LMF1: variants seen among roughly 807,000 people sequenced by gnomAD.
LMF1 encodes lipase maturation factor 1.
In LMF1, 68 loss-of-function variants were observed where a neutral mutation model predicts 60.6. The observed-to-expected ratio is 1.12, with a 90% CI of 0.92 to 1.37. The LOEUF (loss-of-function observed/expected upper bound fraction) is 1.37, where lower values mean the gene tolerates loss of function less well. Ranked by LOEUF, LMF1 falls within the 40% of genes most tolerant of loss-of-function variation. The pLI, the probability that LMF1 is intolerant of heterozygous loss-of-function variation, is 0.00. For synonymous variants in LMF1, 418 were observed against 324.7 expected, an observed-to-expected ratio of 1.29 and a Z score of -3.09; for missense variants, 948 against 767.2, an observed-to-expected ratio of 1.24 and a Z score of -2.78.
At chr16:917,842 C>A (rs576920083) in intron 3 of LMF1, among the ~76,000 whole-genome samples, 2 of 152,232 alleles carry the variant, frequency 1.3e-5, no homozygotes, top group Non-Finnish European at 2.9e-5. Context: ...CTGGAGTGGA[C>A]TGCAGCTCCC....
Position 862,772 on chromosome 16 carries a change from A to C in LMF1, c.1529+6172T>G, listed in dbSNP as rs866141219. 2.2e-4 allele frequency among the ~76,000 whole-genome samples: 33 copies of C among 152,058 alleles called. 1 individual carries two copies. Among genetic ancestry groups the C allele is most frequent in the African/African-American group, 7.7e-4 (32 of 41,422 alleles). ...ACCTGGGAGGCTGAGGCGGGAGGAT[A>C]ATTTGAGCTGAGGAGGTCGAGGCTA... On this transcript the variant is annotated intron_variant, in intron 10 of 10. Transcript: ENST00000262301.
chr16:877,932 C>T (rs2070040663), intron 6 of LMF1, among the ~76,000 whole-genome samples: 1 of 152,146 alleles, frequency 6.6e-6, no homozygotes, highest in African/African-American at 2.4e-5. Flanking sequence ...CCATTTACAA[C>T]ATCAACAAAA....
At chr16:923,657 T>G (rs1022791916) in intron 3 of LMF1, among the ~76,000 whole-genome samples, 6 of 152,100 alleles carry the variant, frequency 3.9e-5, no homozygotes, top group Admixed American at 3.9e-4. Context: ...AGCCTTACCC[T>G]CAATACAATG....
upstream of LMF1, among the ~76,000 whole-genome samples, chr16:973,565 G>A (rs2073085447): frequency 1.3e-5 from 2 of 152,268 alleles, no homozygotes; most frequent in South Asian, 2.1e-4. Context: ...AGTGGTCCGG[G>A]GGTAGGACGT....
At chr16:919,460 A>G (rs554606624) in intron 3 of LMF1, among the ~76,000 whole-genome samples, 3 of 100,194 alleles carry the variant, frequency 3.0e-5, no homozygotes, top group South Asian at 4.0e-4. Context: ...GAAAGCTCAT[A>G]TCTCCAGCGC....
chr16:910,938 A>G lies in LMF1; in HGVS notation c.656T>C (p.Leu219Pro). 1 of 1,612,912 alleles carries G rather than the reference A, an allele frequency of 6.2e-7. No individual in the cohort carries two copies. The highest frequency in any genetic ancestry group is 2.2e-5 in the East Asian group (1 of 44,880). Residue 219 changes from leucine (L) to proline (P), a missense_variant, in exon 4 of 11, where the codon CTT becomes CCT. Coordinates refer to ENST00000262301, the MANE Select transcript of LMF1 (RefSeq NM_022773.4). ...CAGAAGAGCTCCACTTACTGCTCCA[A>G]GCATGATCCTGAAGATCAGCCACCG... is the stretch of plus-strand genomic sequence containing the variant. ...GFRWLIFRIM[L>P]GAGLIKIRGD...
intron 5 of LMF1, chr16:887,107 T>C (rs957622213): frequency 6.6e-6 from 1 of 152,090 alleles, no homozygotes; most frequent in Non-Finnish European, 1.5e-5. Context: ...CGGGCCCCCA[T>C]ATCTGAGGGC....
intron 9 of LMF1, 82 bp downstream of exon 9, chr16:869,801 G>A: frequency 7.1e-7 from 1 of 1,409,346 alleles, no homozygotes; most frequent in Non-Finnish European, 9.7e-7. Context: ...CCTTCAGTGG[G>A]CGTTCTAGAA....
chr16:901,171 T>C (rs2070802259), intron 4 of LMF1: 1 of 152,248 alleles, frequency 6.6e-6, no homozygotes, highest in South Asian at 2.1e-4. Context: ...CCTCTACTGA[T>C]ATTGTCCAGG....
At chr16:890,953 C>A (rs2070468262) in intron 5 of LMF1, among the ~76,000 whole-genome samples, 1 of 152,242 alleles carries the variant, frequency 6.6e-6, no homozygotes, top group Non-Finnish European at 1.5e-5. Flanking sequence ...CCGGGCCCAC[C>A]CTGTCCACCG....
intron 3 of LMF1, among the ~76,000 whole-genome samples, chr16:912,503 G>A (rs1043586049): frequency 6.6e-6 from 1 of 152,264 alleles, no homozygotes; most frequent in African/African-American, 2.4e-5. Context: ...CCACACTGAT[G>A]TGCGCCAATT....
chr16:910,164 T>C (rs1179789002), intron 4 of LMF1, among the ~76,000 whole-genome samples: 1 of 152,248 alleles, frequency 6.6e-6, no homozygotes, highest in Non-Finnish European at 1.5e-5. Flanking sequence ...ACCACGTCGC[T>C]CCTGCTTTTA....
At chr16:950,932 G>A (rs1210051192) in intron 2 of LMF1, among the ~76,000 whole-genome samples, 2 of 150,974 alleles carry the variant, frequency 1.3e-5, no homozygotes, top group Non-Finnish European at 2.9e-5. Flanking sequence ...CAATGACAGA[G>A]TCAGCCAATG....
At chr16:859,074 C>G (rs375255171) in intron 10 of LMF1, among the ~76,000 whole-genome samples, 2 of 80,394 alleles carry the variant, frequency 2.5e-5, no homozygotes, top group Non-Finnish European at 2.4e-5. Flanking sequence ...TGTCACGGGA[C>G]GGGTGTGAGT....
chr16:913,204 C>A (rs1205615905), intron 3 of LMF1, among the ~76,000 whole-genome samples: 1 of 152,240 alleles, frequency 6.6e-6, no homozygotes, highest in African/African-American at 2.4e-5. Flanking sequence ...CTGCTCCACT[C>A]CACGGCTCCG....
intron 1 of LMF1, among the ~76,000 whole-genome samples, chr16:968,189 T>G (rs4410076): frequency 0.061 from 9,289 of 152,236 alleles, 355 homozygotes; most frequent in Non-Finnish European, 0.087. Flanking sequence ...CAAAGTCAGG[T>G]TGAATGCAGA....
chr16:968,793 C>T (rs928580639), intron 1 of LMF1: 10 of 152,186 alleles, frequency 6.6e-5, no homozygotes, highest in African/African-American at 1.2e-4. Flanking sequence ...AGAATCCCTG[C>T]GGAGATCAAA....
chr16:929,356 C>T (rs2071703362), intron 3 of LMF1, among the ~76,000 whole-genome samples: 1 of 152,202 alleles, frequency 6.6e-6, no homozygotes, highest in Non-Finnish European at 1.5e-5. Flanking sequence ...ACGGGGACCA[C>T]GCTGGAGGAC....
intron 2 of LMF1, chr16:947,630 C>A (rs2151458958): frequency 2.2e-6 from 1 of 455,864 alleles, no homozygotes; most frequent in East Asian, 6.9e-5. Flanking sequence ...GTCCAAGTTT[C>A]TGGAGAGGAT....
Sources: gnomAD v4.1 joint callset for allele counts (sites outside exome capture counted in the v4.1 genomes callset) on GRCh38, gnomAD v4.1.1 for gene constraint, MANE v1.5 for transcripts, NCBI Gene and HGNC (gene_info 2026-07-23, HGNC 2026-07-21) for gene names.